Variants in CACNB4 observed in about 807,000 individuals in gnomAD.
CACNB4 encodes the protein calcium voltage-gated channel auxiliary subunit beta 4.
CACNB4 carries 32 observed loss-of-function variants against 71.2 expected under a neutral mutation model. That is an observed-to-expected ratio of 0.45 (90% CI 0.34 to 0.60). CACNB4 has a LOEUF of 0.60. Among genes scored for constraint, CACNB4 ranks in the 20% least tolerant of loss-of-function variants. The pLI, the probability that CACNB4 is intolerant of heterozygous loss-of-function variation, is 0.01. For synonymous variants in CACNB4, 231 were observed against 236.9 expected (o/e 0.97, Z 0.23); for missense variants, 464 against 647.9 (o/e 0.72, Z 3.08).
At position 152,039,340 on chromosome 2, in the gene CACNB4, C is replaced by T. The variant is rs7421148; in HGVS notation, c.147+58990G>A. ...GCTGAGGCAGAGAACTGCTTGAACC[C>T]GGGAGGCGGAGGTTGCAGTGAGCTG... On this transcript the variant is annotated intron_variant, in intron 2 of 13. Transcript: ENST00000539935. 2.6e-5 allele frequency among the ~76,000 whole-genome samples: 4 copies of T among 151,218 alleles called. No individual in the cohort carries two copies. The East Asian group carries it at 5.9e-4, about 22-fold the overall frequency.
rs148180825 is a variant in CACNB4 at position 152,038,651 on chromosome 2, A to G, written c.147+59679T>C. 3.3e-5 allele frequency among the ~76,000 whole-genome samples: 5 copies of G among 152,286 alleles called. No homozygotes were observed. In the East Asian group the frequency reaches 9.6e-4, roughly 29 times the overall value. Reference sequence around the variant, plus strand: ...GCTGAGACTTCCTTTTCCTCTTTCCACAAAAGACATGGCAATAAAAGCAGG... The same window carrying G: ...GCTGAGACTTCCTTTTCCTCTTTCCGCAAAAGACATGGCAATAAAAGCAGG... On this transcript the variant is annotated intron_variant, in intron 2 of 13. Transcript: ENST00000539935.
In CACNB4 at chr2:152,099,037, C is replaced by T; in HGVS notation, c.-26G>A. 3.3e-6 allele frequency: 5 copies of T among 1,503,246 alleles called. No individual in the cohort carries two copies. The highest frequency in any genetic ancestry group is 4.4e-6 in the Non-Finnish European group (5 of 1,128,504). 93.1% of individuals were successfully genotyped at this position (1,503,246 alleles called of 1,614,324 possible). A position where few individuals can be genotyped will look rare whatever the true frequency, so the allele number is the denominator to read the frequency against. On this transcript the variant is annotated 5_prime_UTR_variant, in exon 1 of 14. Transcript: ENST00000539935. ...CGTTCAGAGCCGCCGCATGGCCAGCCCGTGTGCGGTGGGCGGAGGGGGCTG... is the reference window on the plus strand; with the variant it reads ...CGTTCAGAGCCGCCGCATGGCCAGCTCGTGTGCGGTGGGCGGAGGGGGCTG...
At chr2:152,077,190 G>A (rs548804270) in intron 2 of CACNB4, among the ~76,000 whole-genome samples, 3 of 152,342 alleles carry the variant, frequency 2.0e-5, no homozygotes, top group South Asian at 4.1e-4. Flanking sequence ...GGAGGCCGAG[G>A]TGGGTGGATC....
intron 2 of CACNB4, among the ~76,000 whole-genome samples, chr2:151,903,735 G>C (rs999988502): frequency 2.0e-5 from 3 of 152,138 alleles, no homozygotes; most frequent in African/African-American, 7.2e-5. Context: ...TGTTGTATAA[G>C]GTAGGTACAT....
At chr2:152,086,610 T>C (rs1472219292) in intron 2 of CACNB4, among the ~76,000 whole-genome samples, 5 of 152,264 alleles carry the variant, frequency 3.3e-5, no homozygotes, top group Non-Finnish European at 5.9e-5. Flanking sequence ...AGAGTTACTA[T>C]GAACATCTAG....
intron 2 of CACNB4, among the ~76,000 whole-genome samples, chr2:151,996,478 TAAAA>T (rs58787133): frequency 2.2e-5 from 3 of 136,318 alleles, no homozygotes; most frequent in Non-Finnish European, 1.6e-5. Flanking sequence ...CCCTGTCTCT[TAAAA>T]AAAAAAAAAA....
At chr2:151,927,596 A>G (rs1560010814) in intron 2 of CACNB4, among the ~76,000 whole-genome samples, 1 of 152,210 alleles carries the variant, frequency 6.6e-6, no homozygotes, top group South Asian at 2.1e-4. Context: ...AGCACAGTGA[A>G]TGGACTGGTG....
intron 12 of CACNB4, chr2:151,851,670 T>G (rs2099839105): frequency 1.3e-5 from 2 of 152,210 alleles, no homozygotes; most frequent in South Asian, 4.1e-4. Context: ...AAGAATTTTC[T>G]CTAGTAATTA....
At chr2:151,884,567 G>A (rs183664476) in intron 2 of CACNB4, among the ~76,000 whole-genome samples, 283 of 149,530 alleles carry the variant, frequency 1.9e-3, no homozygotes, top group African/African-American at 5.6e-3. Context: ...CCCCGGAGGC[G>A]GAGCTTGCAG....
intron 12 of CACNB4, among the ~76,000 whole-genome samples, chr2:151,843,120 C>T (rs979831905): frequency 3.3e-5 from 5 of 152,168 alleles, no homozygotes; most frequent in South Asian, 2.1e-4. Context: ...GGCCATTGTT[C>T]AACATCTGGT....
chr2:152,069,092 A>T (rs1686516298), intron 2 of CACNB4, among the ~76,000 whole-genome samples: 1 of 152,228 alleles, frequency 6.6e-6, no homozygotes, highest in Non-Finnish European at 1.5e-5. Flanking sequence ...AATGGGGAAC[A>T]GATGCCGGTG....
At chr2:151,841,401 T>C (rs1231310004) in intron 13 of CACNB4, among the ~76,000 whole-genome samples, 5 of 152,020 alleles carry the variant, frequency 3.3e-5, no homozygotes, top group Non-Finnish European at 1.5e-5. Flanking sequence ...AGTGAGACAC[T>C]GACACTGTCT....
chr2:152,082,416 G>A (rs1236357241), intron 2 of CACNB4, among the ~76,000 whole-genome samples: 4 of 152,196 alleles, frequency 2.6e-5, no homozygotes. Context: ...TCATTCCTCA[G>A]AATCAGTAGG....
chr2:152,063,625 C>T (rs1212898594), intron 2 of CACNB4, among the ~76,000 whole-genome samples: 3 of 152,198 alleles, frequency 2.0e-5, no homozygotes, highest in Admixed American at 6.5e-5. Context: ...TACATAATTT[C>T]AAGAAGCCTG....
intron 9 of CACNB4, chr2:151,866,511 T>C (rs547060028): frequency 2.0e-5 from 3 of 152,250 alleles, no homozygotes; most frequent in Non-Finnish European, 4.4e-5. Context: ...TTTTTTTCTC[T>C]CCTTGTATCA....
intron 2 of CACNB4, among the ~76,000 whole-genome samples, chr2:151,965,485 A>T: frequency 6.6e-6 from 1 of 152,228 alleles, no homozygotes; most frequent in East Asian, 1.9e-4. Flanking sequence ...GTTTTAGGAC[A>T]TCCCAAAGGA....
At chr2:151,955,619 G>A (rs925811051) in intron 2 of CACNB4, among the ~76,000 whole-genome samples, 2 of 152,148 alleles carry the variant, frequency 1.3e-5, no homozygotes, top group African/African-American at 2.4e-5. Context: ...TTGATTGGGT[G>A]CAGTGGCTCA....
intron 2 of CACNB4, among the ~76,000 whole-genome samples, chr2:152,018,236 C>T (rs1460539368): frequency 6.6e-6 from 1 of 152,014 alleles, no homozygotes; most frequent in Admixed American, 6.6e-5. Flanking sequence ...TTAGGGACCT[C>T]AGGCAGAAAC....
intron 2 of CACNB4, among the ~76,000 whole-genome samples, chr2:152,073,549 G>C (rs928251195): frequency 5.3e-5 from 8 of 152,150 alleles, no homozygotes; most frequent in African/African-American, 1.9e-4. Context: ...GGATGATTAT[G>C]AATTGGAACA....
Sources: allele counts gnomAD v4.1 joint callset (sites outside exome capture counted in the v4.1 genomes callset), GRCh38; gene constraint gnomAD v4.1.1; transcripts MANE v1.5; gene names NCBI Gene and HGNC (gene_info 2026-07-23, HGNC 2026-07-21).